PPP1R13B: variants seen among roughly 807,000 people sequenced by gnomAD.
PPP1R13B encodes protein phosphatase 1 regulatory subunit 13B.
In PPP1R13B, 44 loss-of-function variants were observed where a neutral mutation model predicts 119.8. The observed-to-expected ratio is 0.37, with a 90% confidence interval of 0.29 to 0.47. PPP1R13B has a LOEUF of 0.47. Ranked by LOEUF, PPP1R13B falls within the 20% of genes least tolerant of loss-of-function variation. The pLI, the probability that PPP1R13B is intolerant of heterozygous loss-of-function variation, is 0.99. For missense variants in PPP1R13B, 1,227 were observed against 1,413.5 expected (o/e 0.87, Z 2.12); for synonymous variants, 542 against 561.5 (o/e 0.97, Z 0.49).
intron 1 of PPP1R13B, among the ~76,000 whole-genome samples, chr14:103,804,838 T>C (rs2085980083): frequency 6.6e-6 from 1 of 152,002 alleles, no homozygotes; most frequent in Non-Finnish European, 1.5e-5. Flanking sequence ...CATATATTGG[T>C]GATGAAGATG....
chr14:103,826,710 CAAAAA>C (rs552679526), intron 1 of PPP1R13B, among the ~76,000 whole-genome samples: 10 of 88,308 alleles, frequency 1.1e-4, no homozygotes, highest in Non-Finnish European at 2.4e-4. Context: ...CTGTCTCTAC[CAAAAA>C]AAAAAAAAAA....
rs1252412178 is a variant in PPP1R13B, at chr14:103,738,992, G to A, written c.2624C>T (p.Ser875Leu). 4 of 1,613,966 alleles carry A rather than the reference G, an allele frequency of 2.5e-6. No homozygotes were observed. Among genetic ancestry groups the A allele is most frequent in the Non-Finnish European group, 3.4e-6 (4 of 1,179,932 alleles). The change falls in exon 13 of 17, where the codon TCG becomes TTG. Residue 875 changes from serine to leucine, a missense_variant. By Grantham distance (145) the Ser-to-Leu change is moderately radical. Transcript: ENST00000202556. This position sits in a 1 kb window ranked among gnomAD's most constrained non-coding sequence, Gnocchi z 5.6. Reference protein sequence around the residue: ...NKRTNLKKPNSERTGHGLRVR... With the variant: ...NKRTNLKKPNLERTGHGLRVR... ...TCTCAGCCCGTGCCCCGTCCGCTCCGAGTTGGGCTTCTTCAAGTTGGTCCG... is the reference window on the plus strand; with the variant it reads ...TCTCAGCCCGTGCCCCGTCCGCTCCAAGTTGGGCTTCTTCAAGTTGGTCCG...
intron 1 of PPP1R13B, among the ~76,000 whole-genome samples, chr14:103,837,270 T>A (rs1475863421): frequency 6.6e-6 from 1 of 152,224 alleles, no homozygotes; most frequent in African/African-American, 2.4e-5. Context: ...CTAAAGCCAC[T>A]GAACATAGGC....
chr14:103,762,008 C>T lies in PPP1R13B; in HGVS notation c.355-4257G>A, dbSNP rs551142405. Among the ~76,000 whole-genome samples, 27 of 152,296 alleles carry T rather than the reference C, an allele frequency of 1.8e-4. 1 individual carries two copies. The South Asian group carries it at 5.4e-3, about 30-fold the overall frequency. Reference sequence around the variant, plus strand: ...CAGAGGCAGGGGAGCATCTTCGACGCCTGTTTTGTTGTGCACATGTGCTGG... The same window carrying T: ...CAGAGGCAGGGGAGCATCTTCGACGTCTGTTTTGTTGTGCACATGTGCTGG... On this transcript the variant is annotated intron_variant, in intron 4 of 16. Coordinates refer to ENST00000202556, the MANE Select transcript of PPP1R13B (RefSeq NM_015316.3).
At position 103,771,020 on chromosome 14, in the gene PPP1R13B, G is replaced by T. The variant is rs145531983; in HGVS notation, c.354+7725C>A. Among the ~76,000 whole-genome samples the T allele has an allele frequency of 8.7e-4, 133 of 152,248 alleles. 3 individuals are homozygous for T. In the East Asian group the frequency reaches 0.02, roughly 23 times the overall value. ...AAGAGGAGATGCCCACAAACGTCCA[G>T]GATGCGAAGACCTACAACCTCAATG... On this transcript the variant is annotated intron_variant, in intron 4 of 16. Transcript: ENST00000202556.
chr14:103,735,497 CTG>C (rs1393928367), intron 16 of PPP1R13B, among the ~76,000 whole-genome samples: 2 of 152,242 alleles, frequency 1.3e-5, no homozygotes, highest in Admixed American at 6.5e-5. Context: ...TGGCTCCCTG[CTG>C]TGTTTGCCTG....
chr14:103,747,460 T>A (rs1004864127), intron 8 of PPP1R13B: 4 of 152,216 alleles, frequency 2.6e-5, no homozygotes, highest in African/African-American at 9.6e-5. Flanking sequence ...AGTAACCAGA[T>A]ATTTGGCCAA....
intron 4 of PPP1R13B, among the ~76,000 whole-genome samples, chr14:103,776,732 C>T (rs1216317527): frequency 1.3e-5 from 2 of 151,766 alleles, no homozygotes; most frequent in African/African-American, 4.8e-5. Context: ...ATTAGCCGGG[C>T]GTGGCGGTGT....
At chr14:103,823,360 C>A (rs1346309926) in intron 1 of PPP1R13B, among the ~76,000 whole-genome samples, 4 of 150,000 alleles carry the variant, frequency 2.7e-5, no homozygotes, top group East Asian at 3.9e-4. Context: ...AAAAAAAAAA[C>A]AACAGGGACA....
At chr14:103,756,520 G>A (rs1471183092) in intron 5 of PPP1R13B, among the ~76,000 whole-genome samples, 3 of 152,112 alleles carry the variant, frequency 2.0e-5, no homozygotes, top group African/African-American at 7.2e-5. Flanking sequence ...AACCAGTGTA[G>A]AACTCAGTAT....
rs2087076739 is a variant in PPP1R13B, at chr14:103,847,394, G to A, written c.-87C>T. ...GCCCACCGCTCCGGCCGCCTCCTAAGGCCGCGCTCCCGCCGCCGTGCTCTC... is the reference window on the plus strand; with the variant it reads ...GCCCACCGCTCCGGCCGCCTCCTAAAGCCGCGCTCCCGCCGCCGTGCTCTC... On this transcript the variant is annotated 5_prime_UTR_variant, in exon 1 of 17. Transcript: ENST00000202556. The A allele has an allele frequency of 2.8e-6, 3 of 1,057,026 alleles. No homozygotes were observed. The highest frequency in any genetic ancestry group is 4.0e-5 in the South Asian group (1 of 24,838). 65.5% of individuals were successfully genotyped at this position (1,057,026 alleles called of 1,614,324 possible).
At chr14:103,739,146 G>C (rs552083204) in intron 12 of PPP1R13B, 123 bp from the exon 13 acceptor site, 258 of 1,375,168 alleles carry the variant, frequency 1.9e-4, no homozygotes, top group Non-Finnish European at 2.4e-4. Context: ...AAGCAGCCCT[G>C]GAGTGGTAGC....
chr14:103,832,342 C>A (rs1372032549), intron 1 of PPP1R13B, among the ~76,000 whole-genome samples: 1 of 152,146 alleles, frequency 6.6e-6, no homozygotes, highest in Non-Finnish European at 1.5e-5. Flanking sequence ...TGAAGCTATA[C>A]CTCTGTATGA....
chr14:103,803,626 G>A (rs921852632), intron 1 of PPP1R13B, among the ~76,000 whole-genome samples: 2 of 152,174 alleles, frequency 1.3e-5, no homozygotes, highest in Non-Finnish European at 2.9e-5. Context: ...CTGGGCAACA[G>A]AGCGAGACTC....
intron 1 of PPP1R13B, among the ~76,000 whole-genome samples, chr14:103,807,648 C>T (rs899771565): frequency 1.3e-5 from 2 of 152,056 alleles, no homozygotes; most frequent in African/African-American, 4.8e-5. Flanking sequence ...GTGCCTGCCA[C>T]CACGCCCGGC....
intron 1 of PPP1R13B, among the ~76,000 whole-genome samples, chr14:103,802,120 T>C (rs1289678866): frequency 6.6e-6 from 1 of 152,224 alleles, no homozygotes; most frequent in African/African-American, 2.4e-5. Context: ...TTCTTACTTA[T>C]ACACATTTAT....
intron 15 of PPP1R13B, 176 bp downstream of exon 15, chr14:103,737,518 G>A (rs1210812931): frequency 1.3e-5 from 10 of 792,566 alleles, no homozygotes; most frequent in Non-Finnish European, 1.9e-5. Flanking sequence ...CGAGGCTGCA[G>A]TGAGCCATGA....
At chr14:103,760,354 C>T (rs1460616685) in intron 4 of PPP1R13B, among the ~76,000 whole-genome samples, 1 of 152,172 alleles carries the variant, frequency 6.6e-6, no homozygotes, top group Admixed American at 6.5e-5. Context: ...TAATTCTTCC[C>T]TATTTCTCTT....
chr14:103,756,824 T>TCTCGG, intron 5 of PPP1R13B, among the ~76,000 whole-genome samples: 1 of 152,206 alleles, frequency 6.6e-6, no homozygotes, highest in East Asian at 1.9e-4. Flanking sequence ...AGTGGCACAA[T>TCTCGG]CTCGGCTCAC....
Sources: gnomAD v4.1 joint callset for allele counts (sites outside exome capture counted in the v4.1 genomes callset) on GRCh38, gnomAD v4.1.1 for gene constraint, Gnocchi (gnomAD v3.1) non-coding constraint, MANE v1.5 for transcripts, NCBI Gene and HGNC (gene_info 2026-07-23, HGNC 2026-07-21) for gene names.